SLC14A2: variants seen among roughly 807,000 people sequenced by gnomAD.
SLC14A2 encodes the protein urea transporter 2.
Under a neutral mutation model 104.6 loss-of-function variants are expected in SLC14A2, and 91 were observed. The observed-to-expected ratio is 0.87, with a 90% CI of 0.73 to 1.04. The LOEUF (loss-of-function observed/expected upper bound fraction) is 1.04, where lower values mean the gene tolerates loss of function less well. Ranked by LOEUF, SLC14A2 falls within the 50% of genes least tolerant of loss-of-function variation. The pLI is 0.00. For missense variants in SLC14A2, 1,189 were observed against 1,156.0 expected (o/e 1.03, Z -0.41); for synonymous variants, 476 against 466.4 (o/e 1.02, Z -0.27).
chr18:45,629,106 G>T (rs1398639599), intron 4 of SLC14A2, among the ~76,000 whole-genome samples: 1 of 152,186 alleles, frequency 6.6e-6, no homozygotes, highest in African/African-American at 2.4e-5. Flanking sequence ...AGGACAACAT[G>T]GTCAGAGGCC....
chr18:45,494,065 G>T (rs1481970715), intron 2 of SLC14A2, among the ~76,000 whole-genome samples: 1 of 152,200 alleles, frequency 6.6e-6, no homozygotes, highest in Non-Finnish European at 1.5e-5. Context: ...TCCTGGCAGG[G>T]TAGAAAGTGG....
intron 1 of SLC14A2, among the ~76,000 whole-genome samples, chr18:45,348,166 C>T (rs2085468025): frequency 6.6e-6 from 1 of 152,242 alleles, no homozygotes; most frequent in Admixed American, 6.5e-5. Flanking sequence ...CTTGGATGCA[C>T]TGGCTCAAAG....
At chr18:45,334,881 GA>G (rs2085324020) in intron 1 of SLC14A2, among the ~76,000 whole-genome samples, 1 of 152,166 alleles carries the variant, frequency 6.6e-6, no homozygotes, top group South Asian at 2.1e-4. Flanking sequence ...GGTCTACCCA[GA>G]AAGCCCTGTG....
intron 2 of SLC14A2, chr18:45,493,393 A>G (rs1228360174): frequency 6.6e-6 from 1 of 152,250 alleles, no homozygotes; most frequent in Admixed American, 6.5e-5. Flanking sequence ...TCTTGCCCTC[A>G]TTTTATGAAT....
At chr18:45,332,820 A>G (rs1315669755) in intron 1 of SLC14A2, among the ~76,000 whole-genome samples, 1 of 152,178 alleles carries the variant, frequency 6.6e-6, no homozygotes, top group African/African-American at 2.4e-5. Context: ...GGGTGACACA[A>G]TTTTGTACAA....
intron 1 of SLC14A2, among the ~76,000 whole-genome samples, chr18:45,289,769 C>G (rs1331426277): frequency 1.3e-5 from 2 of 152,168 alleles, no homozygotes; most frequent in Admixed American, 6.5e-5. Flanking sequence ...GTCCCAAAGA[C>G]TGTCCTATAA....
chr18:45,337,917 G>C (rs1467634930), intron 1 of SLC14A2, among the ~76,000 whole-genome samples: 1 of 152,094 alleles, frequency 6.6e-6, no homozygotes, highest in Admixed American at 6.5e-5. Flanking sequence ...CCAGATCTAG[G>C]AGAGATTAAG....
chr18:45,269,293 G>A (rs2084626044), intron 1 of SLC14A2, among the ~76,000 whole-genome samples: 1 of 152,068 alleles, frequency 6.6e-6, no homozygotes, highest in Non-Finnish European at 1.5e-5. Flanking sequence ...GTTTTAAAGT[G>A]AGTATATGCC....
chr18:45,627,130 C>T lies in SLC14A2; in HGVS notation c.504C>T (p.Leu168=), dbSNP rs147874580. ...CAGTGGTCTCGACCTTAACAGCTCT[C>T]GCCTTGGGCCAAGACAGGTGGGTCC... is the stretch of plus-strand genomic sequence containing the variant. ...LGTVVSTLTA[L]ALGQDRSAIA... Residue 168 remains leucine (L), a synonymous_variant, in exon 4 of 20, where the codon CTC becomes CTT. Coordinates refer to ENST00000255226, the MANE Select transcript of SLC14A2 (RefSeq NM_007163.4). 23 of 1,614,096 alleles carry T rather than the reference C, an allele frequency of 1.4e-5. No individual in the cohort carries two copies. In the East Asian group the frequency reaches 3.1e-4, roughly 22 times the overall value.
chr18:45,187,424 A>G, the SLC14A2 span, among the ~76,000 whole-genome samples: 2 of 152,194 alleles, frequency 1.3e-5, no homozygotes, highest in Admixed American at 1.3e-4. Context: ...AGGACTCCCA[A>G]TTAGAATTAA....
chr18:45,529,494 C>CT (rs5824595), intron 2 of SLC14A2: 52,988 of 151,996 alleles, frequency 0.35, 10,112 homozygotes, highest in African/African-American at 0.52. Context: ...TTGGCACTGT[C>CT]CTATTAAAGA....
At chr18:45,564,531 C>T (rs368624064) in intron 2 of SLC14A2, among the ~76,000 whole-genome samples, 73 of 152,258 alleles carry the variant, frequency 4.8e-4, no homozygotes, top group African/African-American at 1.5e-3. Context: ...ACAAACACCT[C>T]GCACTGAACC....
At chr18:45,499,687 G>A (rs1184676169) in intron 2 of SLC14A2, among the ~76,000 whole-genome samples, 1 of 152,172 alleles carries the variant, frequency 6.6e-6, no homozygotes, top group African/African-American at 2.4e-5. Flanking sequence ...GCAGTGTGTT[G>A]GGGAAGAGGG....
chr18:45,339,501 A>G (rs936820089), intron 1 of SLC14A2, among the ~76,000 whole-genome samples: 7 of 152,200 alleles, frequency 4.6e-5, no homozygotes, highest in Non-Finnish European at 7.3e-5. Context: ...TGCAGTCCTT[A>G]TTAAGGAACT....
intron 1 of SLC14A2, among the ~76,000 whole-genome samples, chr18:45,441,003 C>T (rs1287268706): frequency 2.0e-5 from 3 of 152,160 alleles, no homozygotes; most frequent in Admixed American, 2.0e-4. Context: ...CATTGACTGA[C>T]TTCTCTATTT....
intron 1 of SLC14A2, among the ~76,000 whole-genome samples, chr18:45,414,370 T>C (rs879466419): frequency 1.3e-5 from 2 of 152,162 alleles, no homozygotes; most frequent in Non-Finnish European, 2.9e-5. Context: ...CTCAGAATCT[T>C]CCATGATTTT....
intron 1 of SLC14A2, among the ~76,000 whole-genome samples, chr18:45,254,095 G>A (rs532076115): frequency 6.6e-4 from 100 of 152,242 alleles, no homozygotes; most frequent in Non-Finnish European, 1.1e-3. Flanking sequence ...GTCCTGGGAC[G>A]ATCCCTGTGC....
At chr18:45,505,812 C>T (rs554717568) in intron 2 of SLC14A2, among the ~76,000 whole-genome samples, 217 of 152,248 alleles carry the variant, frequency 1.4e-3, no homozygotes, top group African/African-American at 5.1e-3. Flanking sequence ...TGTACAGACC[C>T]GCCTACACGT....
rs1219561440 is a variant in SLC14A2 at position 45,682,709 on chromosome 18, T to TGTTTA, written c.*197_*201dup. The TGTTTA allele has an allele frequency of 5.0e-6, 3 of 594,400 alleles. No individual in the cohort carries two copies. In the East Asian group the frequency reaches 8.6e-5, roughly 17 times the overall value. The allele number at this position is 594,400 out of a possible 1,614,324, so 36.8% of individuals were successfully genotyped here. Reference sequence around the variant, plus strand: ...AGATGCACAACACTTATCAAAGATATGTTTAGTTTAGACTTTATACCCTTA... The same window carrying TGTTTA: ...AGATGCACAACACTTATCAAAGATATGTTTAGTTTAGTTTAGACTTTATACCCTTA... On this transcript the variant is annotated 3_prime_UTR_variant, in exon 20 of 20. Transcript: ENST00000255226.
Sources: allele counts gnomAD v4.1 joint callset (sites outside exome capture counted in the v4.1 genomes callset), GRCh38; gene constraint gnomAD v4.1.1; transcripts MANE v1.5; gene names NCBI Gene and HGNC (gene_info 2026-07-23, HGNC 2026-07-21).